The following SLIT3 variants were observed in gnomAD, a reference collection of about 807,000 sequenced individuals.
SLIT3 encodes slit guidance ligand 3.
A neutral mutation model predicts 184.0 loss-of-function variants in SLIT3; 68 were observed. That is an observed-to-expected ratio of 0.37 (90% confidence interval 0.30 to 0.45). The LOEUF is 0.45. Among genes scored for constraint, SLIT3 ranks in the 20% least tolerant of loss-of-function variants. SLIT3 has a pLI of 1.00. For missense variants in SLIT3, 1,707 were observed against 2,026.0 expected (o/e 0.84, Z 3.02); for synonymous variants, 831 against 828.6 (o/e 1.00, Z -0.05).
At chr5:168,978,506 A>T (rs2113348260) in intron 4 of SLIT3, among the ~76,000 whole-genome samples, 1 of 152,294 alleles carries the variant, frequency 6.6e-6, no homozygotes, top group East Asian at 1.9e-4. Context: ...TAACAGGCAG[A>T]ACCTGATTCT....
intron 1 of SLIT3, among the ~76,000 whole-genome samples, chr5:169,284,109 G>A (rs951296304): frequency 1.3e-5 from 2 of 152,348 alleles, no homozygotes; most frequent in South Asian, 2.1e-4. Context: ...CAGACACAAG[G>A]TAAGAGCTAA....
intron 11 of SLIT3, among the ~76,000 whole-genome samples, 166 bp from the exon 12 acceptor site, chr5:168,786,144 A>G (rs1238276492): frequency 6.6e-6 from 1 of 152,210 alleles, no homozygotes; most frequent in Non-Finnish European, 1.5e-5. Context: ...GGCAGCCAAG[A>G]GCAGCCAGGG....
At chr5:169,040,409 G>C (rs1301223261) in intron 4 of SLIT3, among the ~76,000 whole-genome samples, 1 of 152,122 alleles carries the variant, frequency 6.6e-6, no homozygotes, top group African/African-American at 2.4e-5. Context: ...TATTTCTCAG[G>C]AAATAAAACT....
chr5:168,806,627 C>T (rs759959771), intron 8 of SLIT3, 40 bp from the exon 9 acceptor site: 11 of 1,610,348 alleles, frequency 6.8e-6, no homozygotes, highest in South Asian at 5.5e-5. Flanking sequence ...ATGTCAGTGT[C>T]AGGAGCTGCC....
chr5:168,788,799 T>C (rs1327073305), intron 11 of SLIT3, among the ~76,000 whole-genome samples: 2 of 152,186 alleles, frequency 1.3e-5, no homozygotes, highest in Non-Finnish European at 2.9e-5. Context: ...CAGTACCTGG[T>C]ACCCAGTCAA....
intron 1 of SLIT3, among the ~76,000 whole-genome samples, chr5:169,252,425 G>A (rs1290482050): frequency 1.3e-5 from 2 of 152,178 alleles, no homozygotes; most frequent in African/African-American, 4.8e-5. Context: ...AGGGTGGAGG[G>A]CAGCATGGAT....
chr5:168,932,305 C>A (rs903320864), intron 4 of SLIT3, among the ~76,000 whole-genome samples: 33 of 128,276 alleles, frequency 2.6e-4, no homozygotes, highest in African/African-American at 9.0e-4. Flanking sequence ...TCAAATCATT[C>A]TTCTGGACCA....
chr5:168,940,182 T>C (rs1211298576), intron 4 of SLIT3, among the ~76,000 whole-genome samples: 1 of 152,210 alleles, frequency 6.6e-6, no homozygotes, highest in Non-Finnish European at 1.5e-5. Context: ...GGTTTGGTAA[T>C]AACAGGTTTG....
chr5:169,071,993 T>C (rs1057165546), intron 4 of SLIT3, among the ~76,000 whole-genome samples: 7 of 151,956 alleles, frequency 4.6e-5, no homozygotes, highest in East Asian at 1.9e-4. Context: ...TTGGCTTGAG[T>C]TGGAACTAGA....
At chr5:168,957,774 G>A (rs1162693080) in intron 4 of SLIT3, among the ~76,000 whole-genome samples, 2 of 152,052 alleles carry the variant, frequency 1.3e-5, no homozygotes, top group Non-Finnish European at 2.9e-5. Flanking sequence ...TGTATGTGTT[G>A]GGGGCGGGAG....
chr5:168,935,407 T>A (rs1420933698), intron 4 of SLIT3, among the ~76,000 whole-genome samples: 1 of 152,168 alleles, frequency 6.6e-6, no homozygotes, highest in East Asian at 1.9e-4. Flanking sequence ...GGATGATTTG[T>A]TCCTATTGTG....
intron 4 of SLIT3, among the ~76,000 whole-genome samples, chr5:168,970,799 A>G (rs1754551779): frequency 1.3e-5 from 2 of 152,166 alleles, no homozygotes; most frequent in Admixed American, 1.3e-4. Context: ...CTTCCTGGCT[A>G]TGTTACCTTG....
chr5:169,077,072 G>T (rs529488128), intron 4 of SLIT3, among the ~76,000 whole-genome samples: 2 of 152,184 alleles, frequency 1.3e-5, no homozygotes, highest in East Asian at 3.9e-4. Context: ...CTGTCCCCCT[G>T]AGACAGCAAG....
intron 20 of SLIT3, among the ~76,000 whole-genome samples, chr5:168,731,271 TAG>T (rs1274516075): frequency 1.3e-5 from 2 of 151,770 alleles, no homozygotes; most frequent in Non-Finnish European, 2.9e-5. Flanking sequence ...CCCTAATAAG[TAG>T]AGAGACTGAA....
rs202238818 is a variant in SLIT3 at position 168,722,287 on chromosome 5, C to T, written c.2452G>A (p.Ala818Thr). ...CGCAGGGACCGCAGCCCGTTGAAGG[C>T]GTGGACGGGGATGCACCTCAGCCGG... ...YNRLRCIPVH[A>T]FNGLRSLRVL... Residue 818 changes from alanine (A) to threonine (T), a missense_variant, in exon 23 of 36, where the codon GCC becomes ACC. Ala to Thr is a moderately conservative substitution (Grantham distance 58). This residue lies in a region of SLIT3 where 1,307 missense variants were observed against 1,511.6 expected (regional missense o/e 0.86). Coordinates refer to ENST00000519560, the MANE Select transcript of SLIT3 (RefSeq NM_003062.4). The T allele has an allele frequency of 4.2e-5, 67 of 1,614,094 alleles. No individual in the cohort carries two copies. The East Asian group carries it at 1.1e-3, about 27-fold the overall frequency.
intron 4 of SLIT3, among the ~76,000 whole-genome samples, chr5:168,917,465 T>A (rs1345196179): frequency 6.6e-6 from 1 of 151,912 alleles, no homozygotes. Flanking sequence ...AAATCCCTTG[T>A]TTTTTATTGA....
At chr5:168,745,867 C>T (rs888774117) in intron 20 of SLIT3, among the ~76,000 whole-genome samples, 1 of 152,124 alleles carries the variant, frequency 6.6e-6, no homozygotes, top group Admixed American at 6.5e-5. Context: ...CAATGTTGGC[C>T]ACCACCACCC....
intron 16 of SLIT3, among the ~76,000 whole-genome samples, chr5:168,754,832 G>T (rs542720578): frequency 1.3e-5 from 2 of 152,242 alleles, no homozygotes; most frequent in African/African-American, 2.4e-5. Flanking sequence ...TGCTCTGGGG[G>T]ACTGACAGAG....
intron 4 of SLIT3, among the ~76,000 whole-genome samples, chr5:168,931,402 C>T (rs964735722): frequency 6.6e-5 from 10 of 152,194 alleles, no homozygotes; most frequent in Non-Finnish European, 1.3e-4. Flanking sequence ...TATTGTCCAT[C>T]TTTATGTGCA....
Sources: gnomAD v4.1 joint callset for allele counts (sites outside exome capture counted in the v4.1 genomes callset) on GRCh38, gnomAD v4.1.1 for gene constraint, gnomAD v4.1.1 regional missense constraint, MANE v1.5 for transcripts, NCBI Gene and HGNC (gene_info 2026-07-23, HGNC 2026-07-21) for gene names.